Variants in MTCH2 observed in about 807,000 individuals in gnomAD.
MTCH2 encodes the protein mitochondrial carrier 2, also known as mitochondrial carrier homolog 2.
Under a neutral mutation model 50.6 loss-of-function variants are expected in MTCH2, and 25 were observed. The ratio of observed to expected loss-of-function variants is 0.49; its 90% confidence interval spans 0.36 to 0.69. The LOEUF (loss-of-function observed/expected upper bound fraction) is 0.69. Among genes scored for constraint, MTCH2 ranks in the 30% least tolerant of loss-of-function variants. The pLI, the probability that MTCH2 is intolerant of heterozygous loss-of-function variation, is 0.00. For synonymous variants in MTCH2, 106 were observed against 132.0 expected, an observed-to-expected ratio of 0.80 and a Z score of 1.35; for missense variants, 273 against 384.4, an observed-to-expected ratio of 0.71 and a Z score of 2.42.
chr11:47,625,847 T>C, intron 10 of MTCH2, 106 bp from the exon 11 acceptor site: 1 of 776,816 alleles, frequency 1.3e-6, no homozygotes, highest in Non-Finnish European at 2.1e-6. Context: ...ACTCTAACAC[T>C]TGTCTCGCTT....
At chr11:47,634,641 C>T (rs374780608) in intron 5 of MTCH2, 31 bp downstream of exon 5, 66 of 1,562,834 alleles carry the variant, frequency 4.2e-5, no homozygotes, top group Non-Finnish European at 5.5e-5. Context: ...TTGATCTGGG[C>T]AAACAGCACA....
chr11:47,609,648 A>G, the MTCH2 span, among the ~76,000 whole-genome samples: 7 of 141,098 alleles, frequency 5.0e-5, no homozygotes, highest in East Asian at 4.2e-4. Context: ...AAAAAAAAAA[A>G]AAAGAAAAGA....
At chr11:47,608,468 G>A in the MTCH2 span, among the ~76,000 whole-genome samples, 2 of 152,142 alleles carry the variant, frequency 1.3e-5, no homozygotes. Context: ...TAAAACACTT[G>A]TGACTGCAGA....
chr11:47,634,340 A>G (rs1375042913), intron 5 of MTCH2, among the ~76,000 whole-genome samples: 1 of 152,120 alleles, frequency 6.6e-6, no homozygotes, highest in Non-Finnish European at 1.5e-5. Flanking sequence ...TTGGCCTCCC[A>G]AAGTGCTGGG....
chr11:47,627,137 G>A lies in MTCH2; in HGVS notation c.634-10C>T. ...CATTCATGGTAGAAACCTAAAATAG[G>A]AAAAGAGCCTTAAATTAATTACCTA... On this transcript the variant is annotated splice_polypyrimidine_tract_variant and intron_variant, in intron 9 of 12. Transcript: ENST00000302503. The A allele has an allele frequency of 6.3e-7, 1 of 1,576,226 alleles. No homozygotes were observed. The highest frequency in any genetic ancestry group is 8.7e-7 in the Non-Finnish European group (1 of 1,152,174).
At chr11:47,635,637 GA>G in intron 3 of MTCH2, 66 bp from the exon 4 acceptor site, 1 of 1,480,146 alleles carries the variant, frequency 6.8e-7, no homozygotes, top group Non-Finnish European at 9.3e-7. Flanking sequence ...GACATAAAAT[GA>G]AAACTCTACT....
chr11:47,626,976 C>T (rs970418424), intron 10 of MTCH2, 104 bp downstream of exon 10: 1 of 844,086 alleles, frequency 1.2e-6, no homozygotes, highest in Non-Finnish European at 1.9e-6. Flanking sequence ...CCCAGTGAGA[C>T]ATCTGGTTAT....
At chr11:47,636,964 T>TC in intron 3 of MTCH2, among the ~76,000 whole-genome samples, 1 of 150,150 alleles carries the variant, frequency 6.7e-6, no homozygotes, top group South Asian at 2.1e-4. Context: ...GAACTCTGTT[T>TC]TTTTTTTTTT....
At chr11:47,635,423 G>C (rs2097307642) in intron 4 of MTCH2, 122 bp downstream of exon 4, 1 of 1,132,718 alleles carries the variant, frequency 8.8e-7, no homozygotes, top group Non-Finnish European at 1.3e-6. Context: ...CCACCCCATA[G>C]GACAACACTC....
chr11:47,609,312 C>T, the MTCH2 span, among the ~76,000 whole-genome samples: 5 of 150,692 alleles, frequency 3.3e-5, no homozygotes, highest in Non-Finnish European at 7.4e-5. Flanking sequence ...AAAAATTAGC[C>T]GGATGTGGTG....
chr11:47,631,850 G>A (rs1453707198), intron 5 of MTCH2, 139 bp from the exon 6 acceptor site: 7 of 734,374 alleles, frequency 9.5e-6, no homozygotes, highest in Non-Finnish European at 1.6e-5. Context: ...GAGTCAAGAA[G>A]AGTTTGAATG....
intron 3 of MTCH2, among the ~76,000 whole-genome samples, chr11:47,635,959 C>T (rs2097308172): frequency 6.6e-6 from 1 of 151,952 alleles, no homozygotes; most frequent in South Asian, 2.1e-4. Flanking sequence ...GAAACCCCAT[C>T]TCTACTAAAA....
the MTCH2 span, among the ~76,000 whole-genome samples, chr11:47,605,848 A>G: frequency 6.6e-6 from 1 of 152,158 alleles, no homozygotes; most frequent in South Asian, 2.1e-4. Flanking sequence ...TAAGTAACAA[A>G]TTATTGTTGA....
chr11:47,630,855 G>A (rs1260680782), intron 7 of MTCH2, among the ~76,000 whole-genome samples, 181 bp downstream of exon 7: 1 of 151,996 alleles, frequency 6.6e-6, no homozygotes, highest in South Asian at 2.1e-4. Flanking sequence ...ATCCTACGTA[G>A]GCTACTAAAC....
the MTCH2 span, among the ~76,000 whole-genome samples, chr11:47,606,092 G>A: frequency 2.6e-5 from 4 of 152,126 alleles, no homozygotes. Context: ...CATTGGCAAA[G>A]GTCCCTGGAT....
At chr11:47,620,456 G>C (rs2097292307) in intron 12 of MTCH2, among the ~76,000 whole-genome samples, 1 of 151,918 alleles carries the variant, frequency 6.6e-6, no homozygotes, top group Non-Finnish European at 1.5e-5. Context: ...ACTCCAGCCT[G>C]GGTGACAGAG....
At position 47,638,962 on chromosome 11, in the gene MTCH2, C is replaced by G; in HGVS notation, c.172+5G>C. On this transcript the variant is annotated splice_donor_5th_base_variant and intron_variant, in intron 2 of 12. Coordinates refer to ENST00000302503, the MANE Select transcript of MTCH2 (RefSeq NM_014342.4). ...TGCAAACCCAAATAAATCAAAGGCA[C>G]TTACCATAACTAAAGAGACCAGGAA... The G allele has an allele frequency of 6.2e-7, 1 of 1,610,032 alleles. No homozygotes were observed. The highest frequency in any genetic ancestry group is 8.5e-7 in the Non-Finnish European group (1 of 1,177,810).
intron 10 of MTCH2, among the ~76,000 whole-genome samples, chr11:47,626,683 G>C (rs903299118): frequency 1.3e-5 from 2 of 151,574 alleles, no homozygotes; most frequent in East Asian, 2.0e-4. Flanking sequence ...CGTGATCTCA[G>C]CTCACTGCAG....
At chr11:47,628,377 G>C (rs2097299949) in intron 9 of MTCH2, among the ~76,000 whole-genome samples, 1 of 152,148 alleles carries the variant, frequency 6.6e-6, no homozygotes, top group Non-Finnish European at 1.5e-5. Flanking sequence ...TTAAAGCCCT[G>C]AAGTAACACA....
Sources: gnomAD v4.1 joint callset for allele counts (sites outside exome capture counted in the v4.1 genomes callset) on GRCh38, gnomAD v4.1.1 for gene constraint, MANE v1.5 for transcripts, NCBI Gene and HGNC (gene_info 2026-07-23, HGNC 2026-07-21) for gene names.